Variants in RCC1L observed in about 807,000 individuals in gnomAD.
RCC1L encodes the protein RCC1 like, also known as RCC1-like G exchanging factor-like protein.
Under a neutral mutation model 58.6 loss-of-function variants are expected in RCC1L, and 46 were observed. The observed-to-expected ratio is 0.79, with a 90% confidence interval of 0.62 to 1.00. RCC1L has a LOEUF of 1.00. RCC1L is among the 50% of genes least tolerant of loss of function. RCC1L has a pLI of 0.00. For synonymous variants in RCC1L, 281 were observed against 262.9 expected (o/e 1.07, Z -0.67); for missense variants, 636 against 623.6 (o/e 1.02, Z -0.21).
intron 10 of RCC1L, among the ~76,000 whole-genome samples, chr7:75,031,699 A>G (rs1805311047): frequency 6.6e-6 from 1 of 152,080 alleles, no homozygotes. Context: ...TGTATTAGTT[A>G]CCTGGTGCTG....
At chr7:75,029,787 C>T (rs1199404264) in intron 10 of RCC1L, among the ~76,000 whole-genome samples, 1 of 152,032 alleles carries the variant, frequency 6.6e-6, no homozygotes, top group Non-Finnish European at 1.5e-5. Flanking sequence ...TGAGTGAGGC[C>T]GGGGGGCTTC....
rs1177516960 is a variant in RCC1L, at chr7:75,029,362, C to CTTTTTT, written c.1318-1289_1318-1284dup. Among the ~76,000 whole-genome samples the CTTTTTT allele has an allele frequency of 2.4e-5, 3 of 126,174 alleles. No individual in the cohort carries two copies. The South Asian group carries it at 8.3e-4, about 35-fold the overall frequency. The allele number at this position is 126,174 out of a possible 152,430, so 82.8% of individuals were successfully genotyped here. On this transcript the variant is annotated intron_variant, in intron 10 of 10. Transcript: ENST00000614461. ...CACCTCAGCCCTGCAATGGGGGGAT[C>CTTTTTT]TTTTTTTTTTTTTTTTTTTGAGACA...
chr7:75,073,004 A>G (rs1554446375), intron 1 of RCC1L, among the ~76,000 whole-genome samples: 2 of 152,204 alleles, frequency 1.3e-5, no homozygotes, highest in Admixed American at 6.5e-5. Flanking sequence ...CTCAGCTGGT[A>G]TACATTTTCA....
chr7:75,042,727 G>A lies in RCC1L; in HGVS notation c.*305C>T, dbSNP rs911706217. 7.6e-7 allele frequency: 1 copy of A among 1,314,182 alleles called. No individual in the cohort carries two copies. Among genetic ancestry groups the A allele is most frequent in the Admixed American group, 3.5e-5 (1 of 28,554 alleles). 81.4% of individuals were successfully genotyped at this position (1,314,182 alleles called of 1,614,324 possible). On this transcript the variant is annotated 3_prime_UTR_variant, in exon 11 of 11. Transcript: ENST00000610322. ...AGCTTTCCTAAGACGGGCTTCTCAG[G>A]CGAGACGTGACACCAGACACCGTCG... is the stretch of plus-strand genomic sequence containing the variant.
intron 10 of RCC1L, among the ~76,000 whole-genome samples, chr7:75,051,327 C>CACACACACACATATATAT (rs1186700074): frequency 6.9e-5 from 10 of 144,748 alleles, no homozygotes; most frequent in African/African-American, 2.7e-4. Context: ...CATATATACA[C>CACACACACACATATATAT]ACACACACAC....
At chr7:75,052,833 T>C in intron 9 of RCC1L, 37 bp from the exon 10 acceptor site, 1 of 1,586,960 alleles carries the variant, frequency 6.3e-7, no homozygotes, top group Non-Finnish European at 8.6e-7. Context: ...GTTGGGACTG[T>C]GTGAAGAACA....
Position 75,070,628 on chromosome 7 carries a change from A to G in RCC1L, c.454+12T>C. ...AATCCCGGCAAAGAGGAGACAAGGT[A>G]GGGATGCTCACTTTTATCTTTCCGG... is the stretch of plus-strand genomic sequence containing the variant. On this transcript the variant is annotated intron_variant, in intron 2 of 10. Coordinates refer to ENST00000610322, the MANE Select transcript of RCC1L (RefSeq NM_030798.5). 2 of 1,613,584 alleles carry G rather than the reference A, an allele frequency of 1.2e-6. No individual in the cohort carries two copies. Among genetic ancestry groups the G allele is most frequent in the Non-Finnish European group, 1.7e-6 (2 of 1,179,724 alleles).
intron 7 of RCC1L, chr7:75,058,048 C>G (rs1334652279): frequency 8.2e-6 from 2 of 243,646 alleles, no homozygotes; most frequent in Non-Finnish European, 1.6e-5. Context: ...GTCCCAGCTA[C>G]TCGGGGGGCT....
At chr7:75,042,113 A>T (rs1217536147), downstream of RCC1L, 15 of 917,028 alleles carry the variant, frequency 1.6e-5, no homozygotes, top group Middle Eastern at 5.6e-4. Flanking sequence ...CTGCCTCTGT[A>T]TCAAAAGGCT....
intron 9 of RCC1L, among the ~76,000 whole-genome samples, chr7:75,054,877 C>T (rs1248480830): frequency 6.6e-6 from 1 of 152,238 alleles, no homozygotes; most frequent in Non-Finnish European, 1.5e-5. Context: ...TTAGTCATGA[C>T]CACTGCCACT....
chr7:75,066,591 C>G (rs1806495232), intron 3 of RCC1L, 73 bp downstream of exon 3: 5 of 1,598,686 alleles, frequency 3.1e-6, no homozygotes, highest in Middle Eastern at 2.3e-4. Context: ...GCCACTCAGG[C>G]CTGATTTGAG....
At chr7:75,044,465 G>A (rs1392871452) in intron 10 of RCC1L, among the ~76,000 whole-genome samples, 4 of 151,662 alleles carry the variant, frequency 2.6e-5, no homozygotes, top group East Asian at 1.9e-4. Context: ...TGGGTGTGGT[G>A]GCGCACGCCT....
chr7:75,043,430 G>A (rs981564316), intron 10 of RCC1L, among the ~76,000 whole-genome samples: 28 of 152,226 alleles, frequency 1.8e-4, no homozygotes, highest in African/African-American at 5.3e-4. Context: ...ATGTCGGGCA[G>A]GAACATGGGC....
intron 5 of RCC1L, 141 bp from the exon 6 acceptor site, chr7:75,061,432 T>G (rs1806277766): frequency 1.3e-6 from 1 of 751,380 alleles, no homozygotes; most frequent in Non-Finnish European, 2.5e-6. Flanking sequence ...ATGCTCATCT[T>G]ACTCCTTCTC....
At position 75,044,492 on chromosome 7, in the gene RCC1L, G is replaced by A. The variant is rs1351119736; in HGVS notation, c.1318-1383C>T. Among the ~76,000 whole-genome samples the A allele has an allele frequency of 2.1e-4, 31 of 150,498 alleles. No individual in the cohort carries two copies. In the South Asian group the frequency reaches 5.9e-3, roughly 29 times the overall value. On this transcript the variant is annotated intron_variant, in intron 10 of 10. Transcript: ENST00000610322. Reference sequence around the variant, plus strand: ...CGCACGCCTATAACCCCAGCTACTCGGGAGGCTGAGGCAGGAGAATCGCTT... The same window carrying A: ...CGCACGCCTATAACCCCAGCTACTCAGGAGGCTGAGGCAGGAGAATCGCTT...
chr7:75,063,188 T>C, intron 5 of RCC1L, 104 bp downstream of exon 5: 1 of 1,224,300 alleles, frequency 8.2e-7, no homozygotes, highest in Non-Finnish European at 1.2e-6. Flanking sequence ...AATAATTTAA[T>C]TCAGAAAATC....
chr7:75,042,361 A>G lies in RCC1L; in HGVS notation c.*671T>C. The G allele has an allele frequency of 4.1e-6, 4 of 985,708 alleles. No individual in the cohort carries two copies. The highest frequency in any genetic ancestry group is 4.8e-6 in the Non-Finnish European group (4 of 830,116). The allele number at this position is 985,708 out of a possible 1,614,324, so 61.1% of individuals were successfully genotyped here. On this transcript the variant is annotated 3_prime_UTR_variant, in exon 11 of 11. Coordinates refer to ENST00000610322, the MANE Select transcript of RCC1L (RefSeq NM_030798.5). ...GATATGCTCGGGGCCCTCGGCGCAG[A>G]GGAACTTGGCCTCGATTCTCTTCCT...
At chr7:75,031,595 C>T (rs893463152) in intron 10 of RCC1L, among the ~76,000 whole-genome samples, 1 of 152,052 alleles carries the variant, frequency 6.6e-6, no homozygotes, top group Non-Finnish European at 1.5e-5. Flanking sequence ...TCTCTTTCTC[C>T]TCCACACTGT....
At chr7:75,054,984 A>C (rs1806028903) in intron 9 of RCC1L, among the ~76,000 whole-genome samples, 1 of 152,174 alleles carries the variant, frequency 6.6e-6, no homozygotes, top group East Asian at 1.9e-4. Flanking sequence ...GAATTCAGAC[A>C]ATAAGTGAAT....
Sources: allele counts gnomAD v4.1 joint callset (sites outside exome capture counted in the v4.1 genomes callset), GRCh38; gene constraint gnomAD v4.1.1; transcripts MANE v1.5; gene names NCBI Gene and HGNC (gene_info 2026-07-23, HGNC 2026-07-21).